Variants in USH2A observed in about 807,000 individuals in gnomAD.
USH2A encodes the protein Usher syndrome 2A (autosomal recessive, mild).
In USH2A, 443 loss-of-function variants were observed where a neutral mutation model predicts 538.9. That is an observed-to-expected ratio of 0.82 (90% confidence interval 0.76 to 0.89). The LOEUF is 0.89. Ranked by LOEUF, USH2A falls within the 40% of genes least tolerant of loss-of-function variation. The probability of loss-of-function intolerance (pLI) is 0.00; values close to 1 mark genes in which losing one functional copy is unlikely to be tolerated. For missense variants in USH2A, 6,633 were observed against 6,324.8 expected (o/e 1.05, Z -1.65); for synonymous variants, 2,413 against 2,273.5 (o/e 1.06, Z -1.75).
intron 38 of USH2A, among the ~76,000 whole-genome samples, chr1:215,921,944 G>T (rs1666108635): frequency 6.6e-6 from 1 of 151,988 alleles, no homozygotes; most frequent in South Asian, 2.1e-4. Flanking sequence ...GCAAATAAAA[G>T]GTTACATGAT....
intron 41 of USH2A, among the ~76,000 whole-genome samples, chr1:215,886,983 G>C (rs1195798100): frequency 6.6e-6 from 1 of 151,794 alleles, no homozygotes; most frequent in Non-Finnish European, 1.5e-5. Context: ...TCAGCCTCCC[G>C]AGTAGCTGGG....
At chr1:215,929,451 A>G (rs1211847670) in intron 38 of USH2A, among the ~76,000 whole-genome samples, 1 of 152,052 alleles carries the variant, frequency 6.6e-6, no homozygotes, top group East Asian at 1.9e-4. Context: ...TGGCCTGGCC[A>G]TATGTATGTC....
chr1:216,273,542 T>G (rs998458232), intron 11 of USH2A, among the ~76,000 whole-genome samples: 1 of 152,076 alleles, frequency 6.6e-6, no homozygotes, highest in Non-Finnish European at 1.5e-5. Context: ...CATTTCAAGG[T>G]TAAATTCAAT....
intron 61 of USH2A, among the ~76,000 whole-genome samples, chr1:215,692,622 A>G (rs576129347): frequency 6.6e-6 from 1 of 152,292 alleles, no homozygotes; most frequent in South Asian, 2.1e-4. Flanking sequence ...CACAGCAACA[A>G]TCATTGCATG....
rs1438386328 is a variant in USH2A, at chr1:215,648,671, A to G, written c.14439T>C (p.Cys4813=). The G allele has an allele frequency of 6.2e-7, 1 of 1,614,218 alleles. No individual in the cohort carries two copies. The highest frequency in any genetic ancestry group is 1.7e-5 in the Admixed American group (1 of 60,020). ...GTTCAGCTGTCGGTCCTTTGCTGCA[A>G]CAGTTGAAGCAGGTGCAGGCCTCTA... ...IGVEACTCFN[C]CSKGPTAELR... Residue 4813 remains cysteine (C), a synonymous_variant, in exon 66 of 72, where the codon TGT becomes TGC. Coordinates refer to ENST00000307340, the MANE Select transcript of USH2A (RefSeq NM_206933.4).
At chr1:215,798,776 T>C (rs1662212164) in intron 50 of USH2A, 131 bp downstream of exon 50, 1 of 1,025,784 alleles carries the variant, frequency 9.7e-7, no homozygotes, top group South Asian at 1.4e-5. Context: ...AACAATATGT[T>C]CCTAATTATT....
chr1:216,248,801 A>T lies in USH2A; in HGVS notation c.2168-1575T>A, dbSNP rs116343165. 7.2e-3 allele frequency among the ~76,000 whole-genome samples: 1,093 copies of T among 152,228 alleles called. 18 individuals are homozygous for T. The highest frequency in any genetic ancestry group is 0.025 in the African/African-American group (1,057 of 41,554). ...GTGCTTATTTGAATATGCCATACAT[A>T]TTCCTGACAGGTAATCTATTCCTAA... On this transcript the variant is annotated intron_variant, in intron 12 of 71. Coordinates refer to ENST00000307340, the MANE Select transcript of USH2A (RefSeq NM_206933.4).
At chr1:215,770,791 C>A (rs1257718915) in intron 55 of USH2A, among the ~76,000 whole-genome samples, 1 of 151,832 alleles carries the variant, frequency 6.6e-6, no homozygotes, top group Admixed American at 6.6e-5. Context: ...GAGGAAAGTA[C>A]CTATGATCAC....
intron 23 of USH2A, among the ~76,000 whole-genome samples, chr1:216,087,524 C>T (rs1022386469): frequency 6.6e-6 from 1 of 152,030 alleles, no homozygotes; most frequent in African/African-American, 2.4e-5. Flanking sequence ...ACATTAAGGG[C>T]CAGTAAACTC....
intron 11 of USH2A, among the ~76,000 whole-genome samples, chr1:216,263,821 AG>A (rs1292000592): frequency 6.6e-6 from 1 of 152,146 alleles, no homozygotes; most frequent in Non-Finnish European, 1.5e-5. Flanking sequence ...GAGAGGAGGA[AG>A]TCAACTAGTT....
At chr1:216,273,835 A>C (rs1256640352) in intron 11 of USH2A, among the ~76,000 whole-genome samples, 1 of 151,176 alleles carries the variant, frequency 6.6e-6, no homozygotes, top group Non-Finnish European at 1.5e-5. Context: ...AAAACAAACC[A>C]GCACACATTC....
chr1:216,055,071 A>T (rs542925593), intron 30 of USH2A, among the ~76,000 whole-genome samples: 5 of 151,384 alleles, frequency 3.3e-5, no homozygotes, highest in African/African-American at 9.7e-5. Flanking sequence ...TTTATCTCTC[A>T]TTTTTTTTTC....
chr1:215,718,042 T>C (rs114653933), intron 61 of USH2A, among the ~76,000 whole-genome samples: 19 of 152,296 alleles, frequency 1.2e-4, no homozygotes, highest in Non-Finnish European at 2.5e-4. Flanking sequence ...GTGACAAAGA[T>C]AGAAGATAGT....
intron 37 of USH2A, among the ~76,000 whole-genome samples, chr1:215,955,178 A>T (rs1187885206): frequency 6.6e-6 from 1 of 152,168 alleles, no homozygotes; most frequent in Non-Finnish European, 1.5e-5. Flanking sequence ...TTAAACCACA[A>T]GCCCCTTCAG....
At chr1:216,351,661 C>A (rs2038289678) in intron 4 of USH2A, among the ~76,000 whole-genome samples, 2 of 151,392 alleles carry the variant, frequency 1.3e-5, no homozygotes, top group Admixed American at 1.3e-4. Flanking sequence ...TTTAACAGAA[C>A]AATTATGGCT....
chr1:215,779,783 C>G, intron 55 of USH2A, 60 bp downstream of exon 55: 1 of 1,593,844 alleles, frequency 6.3e-7, no homozygotes, highest in East Asian at 2.2e-5. Flanking sequence ...GGATGCTTTG[C>G]CCCCCTAACC....
chr1:216,297,179 A>G (rs1016872167), intron 9 of USH2A, among the ~76,000 whole-genome samples: 4 of 151,974 alleles, frequency 2.6e-5, no homozygotes, highest in Non-Finnish European at 5.9e-5. Flanking sequence ...CTCACTCATA[A>G]TATGAGAGTA....
chr1:216,412,902 C>T (rs554781327), intron 3 of USH2A, among the ~76,000 whole-genome samples: 1 of 152,000 alleles, frequency 6.6e-6, no homozygotes, highest in African/African-American at 2.4e-5. Flanking sequence ...GTCAGTGGCA[C>T]AGAGCTATTA....
intron 64 of USH2A, among the ~76,000 whole-genome samples, chr1:215,663,270 T>G (rs1657500365): frequency 6.6e-6 from 1 of 152,168 alleles, no homozygotes; most frequent in Admixed American, 6.5e-5. Flanking sequence ...GGGGATCGGA[T>G]GGGGGCATGG....
Sources: gnomAD v4.1 joint callset for allele counts (sites outside exome capture counted in the v4.1 genomes callset) on GRCh38, gnomAD v4.1.1 for gene constraint, MANE v1.5 for transcripts, NCBI Gene and HGNC (gene_info 2026-07-23, HGNC 2026-07-21) for gene names.